Variants in CLSTN2 observed in about 807,000 individuals in gnomAD.
CLSTN2 encodes the protein calsyntenin-2.
Under a neutral mutation model 101.2 loss-of-function variants are expected in CLSTN2, and 48 were observed. The ratio of observed to expected loss-of-function variants is 0.47; its 90% CI spans 0.38 to 0.60. CLSTN2 has a LOEUF of 0.60. Among genes scored for constraint, CLSTN2 ranks in the 20% least tolerant of loss-of-function variants. The pLI, the probability that CLSTN2 is intolerant of heterozygous loss-of-function variation, is 0.00. For synonymous variants in CLSTN2, 481 were observed against 463.6 expected, an observed-to-expected ratio of 1.04 and a Z score of -0.48; for missense variants, 1,160 against 1,238.2, an observed-to-expected ratio of 0.94 and a Z score of 0.95.
intron 2 of CLSTN2, among the ~76,000 whole-genome samples, chr3:140,282,085 CTTACATGATGTTCTGT>C (rs2086852880): frequency 6.6e-6 from 1 of 152,156 alleles, no homozygotes; most frequent in Non-Finnish European, 1.5e-5. Context: ...ATGAGGTACA[CTTACATGATGTTCTGT>C]TTACATGATG....
At chr3:140,250,413 G>A (rs913751799) in intron 2 of CLSTN2, among the ~76,000 whole-genome samples, 7 of 152,174 alleles carry the variant, frequency 4.6e-5, no homozygotes, top group Non-Finnish European at 7.4e-5. Flanking sequence ...TCCATGGCCG[G>A]TGGCTACAGC....
chr3:140,250,780 C>T (rs1374869485), intron 2 of CLSTN2, among the ~76,000 whole-genome samples: 4 of 152,078 alleles, frequency 2.6e-5, no homozygotes, highest in African/African-American at 9.7e-5. Flanking sequence ...CCCCCAAACT[C>T]GAGAGTAAAA....
At chr3:140,251,010 C>T (rs539481554) in intron 2 of CLSTN2, among the ~76,000 whole-genome samples, 26 of 152,202 alleles carry the variant, frequency 1.7e-4, no homozygotes, top group Admixed American at 4.6e-4. Context: ...TTCCATGTGG[C>T]GGATATGTCC....
chr3:140,254,913 A>G (rs1411180125), intron 2 of CLSTN2, among the ~76,000 whole-genome samples: 1 of 152,302 alleles, frequency 6.6e-6, no homozygotes, highest in East Asian at 1.9e-4. Context: ...TATGCATCCA[A>G]CAAAGGTGTA....
At chr3:140,504,453 AT>A (rs1361422583) in intron 8 of CLSTN2, among the ~76,000 whole-genome samples, 1 of 151,986 alleles carries the variant, frequency 6.6e-6, no homozygotes, top group Non-Finnish European at 1.5e-5. Flanking sequence ...AACACTCTGC[AT>A]TTTTATGCCC....
chr3:140,532,063 T>C (rs972305574), intron 8 of CLSTN2, among the ~76,000 whole-genome samples: 5 of 152,160 alleles, frequency 3.3e-5, no homozygotes, highest in African/African-American at 1.2e-4. Context: ...AGGTGCACCA[T>C]GGTAAGGCTG....
intron 1 of CLSTN2, among the ~76,000 whole-genome samples, chr3:140,085,753 A>G (rs1036949376): frequency 5.3e-5 from 8 of 152,142 alleles, no homozygotes; most frequent in Admixed American, 2.0e-4. Context: ...GGAGCAATAC[A>G]ACAATGTCTA....
intron 2 of CLSTN2, among the ~76,000 whole-genome samples, chr3:140,280,972 G>A (rs184466943): frequency 6.6e-6 from 1 of 152,162 alleles, no homozygotes; most frequent in African/African-American, 2.4e-5. Context: ...TTTGAGGTAG[G>A]ATCAAGGATC....
intron 7 of CLSTN2, among the ~76,000 whole-genome samples, chr3:140,463,487 T>C (rs1321943140): frequency 6.6e-6 from 1 of 152,120 alleles, no homozygotes; most frequent in East Asian, 1.9e-4. Flanking sequence ...CTCAGAAGGA[T>C]TGAGGTTGTT....
chr3:140,289,391 T>C (rs910129105), intron 2 of CLSTN2, among the ~76,000 whole-genome samples: 2 of 152,002 alleles, frequency 1.3e-5, no homozygotes, highest in Non-Finnish European at 2.9e-5. Flanking sequence ...CTGTATTCCC[T>C]GCAAAAAATC....
intron 8 of CLSTN2, among the ~76,000 whole-genome samples, chr3:140,526,294 G>A (rs761538277): frequency 3.2e-4 from 48 of 151,960 alleles, no homozygotes; most frequent in Non-Finnish European, 4.7e-4. Flanking sequence ...AACCAAATCA[G>A]GAACACAATC....
At chr3:140,223,494 C>T (rs1287683763) in intron 2 of CLSTN2, among the ~76,000 whole-genome samples, 4 of 152,078 alleles carry the variant, frequency 2.6e-5, no homozygotes, top group Non-Finnish European at 5.9e-5. Context: ...CTGCATGCTC[C>T]GAGAGATGCA....
chr3:140,419,236 A>G (rs142167385), intron 4 of CLSTN2, among the ~76,000 whole-genome samples: 44,559 of 150,242 alleles, frequency 0.3, 9,830 homozygotes, highest in African/African-American at 0.63. Flanking sequence ...TAATCCCAGC[A>G]CTTTGGGAGG....
At chr3:140,114,786 C>T (rs2009212902) in intron 1 of CLSTN2, among the ~76,000 whole-genome samples, 1 of 152,058 alleles carries the variant, frequency 6.6e-6, no homozygotes, top group Non-Finnish European at 1.5e-5. Context: ...TAATGAATAA[C>T]AAATGGAGTA....
intron 2 of CLSTN2, among the ~76,000 whole-genome samples, chr3:140,193,116 C>T (rs904291292): frequency 6.6e-6 from 1 of 151,590 alleles, no homozygotes; most frequent in South Asian, 2.1e-4. Flanking sequence ...TGCTTAGAGC[C>T]GTATCAGTAT....
In CLSTN2 at chr3:140,574,138, T is replaced by C. The variant is rs1283511631; in HGVS notation, c.*7885T>C. ...AATTGAATTGAATCCCAGAGATCAC[T>C]TGACCTCAGTGAAGGGACTGGGTTT... On this transcript the variant is annotated 3_prime_UTR_variant, in exon 17 of 17. Coordinates refer to ENST00000458420, the MANE Select transcript of CLSTN2 (RefSeq NM_022131.3). The C allele has an allele frequency of 6.6e-6, 1 of 152,192 alleles. No homozygotes were observed. The highest frequency in any genetic ancestry group is 2.4e-5 in the African/African-American group (1 of 41,440). The allele number at this position is 152,192 out of a possible 1,614,324, so 9.4% of individuals were successfully genotyped here. A position where few individuals can be genotyped will look rare whatever the true frequency, so the allele number is the denominator to read the frequency against.
intron 2 of CLSTN2, among the ~76,000 whole-genome samples, chr3:140,287,515 G>A (rs2086906470): frequency 6.6e-6 from 1 of 152,050 alleles, no homozygotes; most frequent in African/African-American, 2.4e-5. Flanking sequence ...TTAAATATGT[G>A]CAGTTTCTTC....
intron 2 of CLSTN2, among the ~76,000 whole-genome samples, chr3:140,355,974 T>C (rs1450966656): frequency 6.6e-6 from 1 of 152,258 alleles, no homozygotes; most frequent in African/African-American, 2.4e-5. Flanking sequence ...TTGAGTATTT[T>C]GCAAAACTCA....
chr3:140,140,130 G>GTGATGC (rs902961374), intron 1 of CLSTN2, among the ~76,000 whole-genome samples: 23 of 152,298 alleles, frequency 1.5e-4, no homozygotes, highest in Non-Finnish European at 2.1e-4. Context: ...AAGTTTCCAG[G>GTGATGC]TGATGCTGAT....
Sources: allele counts gnomAD v4.1 joint callset (sites outside exome capture counted in the v4.1 genomes callset), GRCh38; gene constraint gnomAD v4.1.1; transcripts MANE v1.5; gene names NCBI Gene and HGNC (gene_info 2026-07-23, HGNC 2026-07-21).